Variants in SLC6A11 observed in about 807,000 individuals in gnomAD.
The protein encoded by SLC6A11 is solute carrier family 6 member 11.
Under a neutral mutation model 74.8 loss-of-function variants are expected in SLC6A11, and 25 were observed. That is an observed-to-expected ratio of 0.33 (90% CI 0.24 to 0.47). The LOEUF (loss-of-function observed/expected upper bound fraction) is 0.47, where lower values mean the gene tolerates loss of function less well. Ranked by LOEUF, SLC6A11 falls within the 20% of genes least tolerant of loss-of-function variation. The pLI is 1.00. For synonymous variants in SLC6A11, 330 were observed against 330.2 expected (o/e 1.00, Z 0.01); for missense variants, 574 against 837.0 (o/e 0.69, Z 3.88).
intron 6 of SLC6A11, among the ~76,000 whole-genome samples, chr3:10,907,645 A>C (rs749718670): frequency 1.6e-4 from 24 of 152,332 alleles, no homozygotes; most frequent in Non-Finnish European, 3.2e-4. Context: ...AGTGCTTTAT[A>C]AGGGGAAGCA....
chr3:10,920,029 C>T (rs766514754), intron 8 of SLC6A11, among the ~76,000 whole-genome samples: 13 of 152,172 alleles, frequency 8.5e-5, no homozygotes, highest in Middle Eastern at 3.2e-3. Context: ...GGCAGCCCTG[C>T]GAGGAGGGAT....
chr3:10,924,455 A>G lies in SLC6A11; in HGVS notation c.1121-1549A>G, dbSNP rs568044077. ...GAACTTAGAGAGGTCAAAGGACAAA[A>G]TAGATAAAATATATTATACTTCTTT... On this transcript the variant is annotated intron_variant, in intron 8 of 13. Transcript: ENST00000254488. Among the ~76,000 whole-genome samples the G allele has an allele frequency of 1.3e-4, 20 of 152,336 alleles. No individual in the cohort carries two copies. The South Asian group carries it at 2.5e-3, about 19-fold the overall frequency.
At chr3:10,922,915 A>G (rs1394803507) in intron 8 of SLC6A11, among the ~76,000 whole-genome samples, 2 of 152,190 alleles carry the variant, frequency 1.3e-5, no homozygotes, top group South Asian at 2.1e-4. Context: ...AGGGGTAGCA[A>G]TTCCACAACT....
intron 11 of SLC6A11, 103 bp downstream of exon 11, chr3:10,933,356 G>GT (rs958851907): frequency 2.5e-6 from 2 of 789,734 alleles, no homozygotes; most frequent in African/African-American, 3.4e-5. Context: ...GCTTATCTTG[G>GT]TCTATACTGG....
chr3:10,905,842 G>A (rs1695295733), intron 6 of SLC6A11, among the ~76,000 whole-genome samples: 1 of 152,220 alleles, frequency 6.6e-6, no homozygotes, highest in Non-Finnish European at 1.5e-5. Flanking sequence ...AAATGAGCAT[G>A]TGTCTCAGCA....
At chr3:10,832,660 T>C (rs1694312755) in intron 4 of SLC6A11, among the ~76,000 whole-genome samples, 1 of 152,218 alleles carries the variant, frequency 6.6e-6, no homozygotes, top group Non-Finnish European at 1.5e-5. Context: ...TTGAGTCTCC[T>C]CCTGCTAGTA....
At chr3:10,819,412 C>T (rs1694106816) in intron 1 of SLC6A11, 53 bp from the exon 2 acceptor site, 2 of 1,556,438 alleles carry the variant, frequency 1.3e-6, no homozygotes, top group Admixed American at 1.9e-5. Flanking sequence ...GTTCTTGAGC[C>T]AAGTATGAAT....
At chr3:10,935,392 G>A in intron 13 of SLC6A11, 193 bp downstream of exon 13, 1 of 580,562 alleles carries the variant, frequency 1.7e-6, no homozygotes, top group Non-Finnish European at 3.1e-6. Context: ...TTTTGGCTGA[G>A]CCAGTTTCTA....
At chr3:10,881,537 T>TTAGA (rs549241470) in intron 6 of SLC6A11, among the ~76,000 whole-genome samples, 3 of 152,258 alleles carry the variant, frequency 2.0e-5, no homozygotes, top group Non-Finnish European at 4.4e-5. Context: ...TTAGCTTGTG[T>TTAGA]ACCTTGCGTT....
intron 5 of SLC6A11, among the ~76,000 whole-genome samples, chr3:10,855,834 C>T (rs907418759): frequency 6.6e-6 from 1 of 152,208 alleles, no homozygotes; most frequent in African/African-American, 2.4e-5. Context: ...GAAAAGAAAC[C>T]ATGTGTACAA....
intron 1 of SLC6A11, among the ~76,000 whole-genome samples, chr3:10,819,200 C>A (rs1161221654): frequency 6.6e-6 from 1 of 152,126 alleles, no homozygotes; most frequent in Admixed American, 6.5e-5. Context: ...ATCATCTTAG[C>A]TGCATTACAG....
At chr3:10,903,917 A>G (rs1695271533) in intron 6 of SLC6A11, among the ~76,000 whole-genome samples, 1 of 152,274 alleles carries the variant, frequency 6.6e-6, no homozygotes, top group Non-Finnish European at 1.5e-5. Flanking sequence ...AAAAAGAAGT[A>G]AAGCTTTCTC....
Position 10,819,821 on chromosome 3 carries a change from C to G in SLC6A11, c.501C>G (p.Pro167=). Residue 167 remains proline (P), a synonymous_variant, in exon 3 of 14, where the codon CCC becomes CCG. Coordinates refer to ENST00000254488, the MANE Select transcript of SLC6A11 (RefSeq NM_014229.3). ...GCAACTGCTTCACTACTGAGCTACC[C>G]TGGGCTACCTGTGGGCATGAGTGGA... ...YLSNCFTTEL[P]WATCGHEWNT... is the part of the protein sequence containing the mutation. 1 of 1,614,206 alleles carries G rather than the reference C, an allele frequency of 6.2e-7. No individual in the cohort carries two copies. The highest frequency in any genetic ancestry group is 8.5e-7 in the Non-Finnish European group (1 of 1,180,026).
intron 4 of SLC6A11, among the ~76,000 whole-genome samples, chr3:10,842,576 C>T (rs1209529689): frequency 6.6e-6 from 1 of 152,206 alleles, no homozygotes; most frequent in South Asian, 2.1e-4. Context: ...ACAGTTGTTA[C>T]TATAATTAAA....
chr3:10,925,530 G>C (rs984719775), intron 8 of SLC6A11, among the ~76,000 whole-genome samples: 1 of 152,158 alleles, frequency 6.6e-6, no homozygotes, highest in African/African-American at 2.4e-5. Context: ...CTGGAAATGA[G>C]AGTGGAAACC....
At chr3:10,908,457 C>T (rs1695340388) in intron 6 of SLC6A11, among the ~76,000 whole-genome samples, 1 of 152,042 alleles carries the variant, frequency 6.6e-6, no homozygotes, top group Non-Finnish European at 1.5e-5. Context: ...CAGACTTTTC[C>T]CCATAGAGGT....
At chr3:10,930,427 G>A (rs186433400) in intron 10 of SLC6A11, among the ~76,000 whole-genome samples, 53 of 152,296 alleles carry the variant, frequency 3.5e-4, no homozygotes, top group African/African-American at 1.2e-3. Flanking sequence ...GTGGGTGCTC[G>A]GTGCACAGTG....
At chr3:10,851,073 C>T (rs1694569642) in intron 5 of SLC6A11, among the ~76,000 whole-genome samples, 1 of 152,176 alleles carries the variant, frequency 6.6e-6, no homozygotes, top group African/African-American at 2.4e-5. Context: ...CACCCCTGCC[C>T]AGCGGACAGT....
intron 4 of SLC6A11, among the ~76,000 whole-genome samples, 179 bp from the exon 5 acceptor site, chr3:10,844,035 T>G (rs1236357893): frequency 6.6e-6 from 1 of 152,180 alleles, no homozygotes; most frequent in Admixed American, 6.5e-5. Flanking sequence ...TGATCCAAGG[T>G]CCAGAGGGCT....
Sources: gnomAD v4.1 joint callset for allele counts (sites outside exome capture counted in the v4.1 genomes callset) on GRCh38, gnomAD v4.1.1 for gene constraint, MANE v1.5 for transcripts, NCBI Gene and HGNC (gene_info 2026-07-23, HGNC 2026-07-21) for gene names.